The following CTNNA3 variants were observed in gnomAD, a reference collection of about 807,000 sequenced individuals.
The protein encoded by CTNNA3 is catenin alpha 3.
CTNNA3 carries 76 observed loss-of-function variants against 95.7 expected under a neutral mutation model. That is an observed-to-expected ratio of 0.79 (90% CI 0.66 to 0.96). CTNNA3 has a LOEUF of 0.96. Ranked by LOEUF, CTNNA3 falls within the 40% of genes least tolerant of loss-of-function variation. The pLI, the probability that CTNNA3 is intolerant of heterozygous loss-of-function variation, is 0.00. For missense variants in CTNNA3, 1,191 were observed against 1,089.8 expected, an observed-to-expected ratio of 1.09 and a Z score of -1.31; for synonymous variants, 431 against 374.4, an observed-to-expected ratio of 1.15 and a Z score of -1.74.
intron 9 of CTNNA3, among the ~76,000 whole-genome samples, chr10:66,655,976 A>G (rs1055096854): frequency 6.6e-6 from 1 of 152,068 alleles, no homozygotes; most frequent in African/African-American, 2.4e-5. Flanking sequence ...GGAATAACAG[A>G]AGAAGTAGTA....
chr10:66,793,074 A>G (rs1361579075), intron 7 of CTNNA3, among the ~76,000 whole-genome samples: 2 of 152,150 alleles, frequency 1.3e-5, no homozygotes, highest in African/African-American at 2.4e-5. Context: ...TTTGTAATCT[A>G]TTTGTGTTGG....
intron 1 of CTNNA3, among the ~76,000 whole-genome samples, chr10:67,747,162 C>T (rs964077285): frequency 5.3e-5 from 8 of 152,304 alleles, no homozygotes; most frequent in Middle Eastern, 3.4e-3. Context: ...GGTGGGGTGG[C>T]CATGGTCTCC....
Position 66,388,331 on chromosome 10 carries a change from AT to A in CTNNA3, c.1532-8980del, listed in dbSNP as rs1219576600. 1.6e-4 allele frequency among the ~76,000 whole-genome samples: 24 copies of A among 152,256 alleles called. No homozygotes were observed. The East Asian group carries it at 4.1e-3, about 26-fold the overall frequency. On this transcript the variant is annotated intron_variant, in intron 11 of 17. Coordinates refer to ENST00000433211, the MANE Select transcript of CTNNA3 (RefSeq NM_013266.4). ...TAATACACTATGTAATTTCTCTTTA[AT>A]TAAAGATGAAATGATAGCTTGTACA...
At chr10:66,806,285 GTGTGTGTA>G (rs902071807) in intron 7 of CTNNA3, among the ~76,000 whole-genome samples, 8 of 148,204 alleles carry the variant, frequency 5.4e-5, no homozygotes, top group South Asian at 2.2e-4. Flanking sequence ...GTGTGTGTGT[GTGTGTGTA>G]TATATACTCA....
At chr10:66,750,399 G>T (rs1839084564) in intron 9 of CTNNA3, among the ~76,000 whole-genome samples, 1 of 152,130 alleles carries the variant, frequency 6.6e-6, no homozygotes, top group Admixed American at 6.5e-5. Context: ...TGAGCAGGGT[G>T]CTGGGGATGT....
intron 7 of CTNNA3, among the ~76,000 whole-genome samples, chr10:66,845,715 A>AAACAAAAAAAAC (rs1418092395): frequency 9.6e-4 from 66 of 68,744 alleles, no homozygotes; most frequent in African/African-American, 2.8e-3. Flanking sequence ...AAAAAAAAAA[A>AAACAAAAAAAAC]AAAAAAAAAA....
At chr10:66,955,012 T>C (rs1404120929) in intron 7 of CTNNA3, among the ~76,000 whole-genome samples, 1 of 152,182 alleles carries the variant, frequency 6.6e-6, no homozygotes, top group African/African-American at 2.4e-5. Context: ...TGGAAAACAT[T>C]GGAGCACATT....
chr10:66,355,772 A>T (rs2132405846), intron 12 of CTNNA3, among the ~76,000 whole-genome samples: 1 of 152,118 alleles, frequency 6.6e-6, no homozygotes, highest in African/African-American at 2.4e-5. Flanking sequence ...GTTGTATCTA[A>T]CAATGCCAAA....
chr10:66,034,412 C>T (rs1441715788), intron 15 of CTNNA3, among the ~76,000 whole-genome samples: 1 of 152,086 alleles, frequency 6.6e-6, no homozygotes, highest in Non-Finnish European at 1.5e-5. Context: ...GAAAAATTTG[C>T]TGTTGAATTT....
intron 10 of CTNNA3, among the ~76,000 whole-genome samples, chr10:66,548,412 T>C (rs539942326): frequency 6.6e-6 from 1 of 152,150 alleles, no homozygotes; most frequent in Non-Finnish European, 1.5e-5. Flanking sequence ...TATTTCCAAT[T>C]CTTCCTCTTT....
At chr10:66,685,972 T>C (rs1183284389) in intron 9 of CTNNA3, among the ~76,000 whole-genome samples, 2 of 152,162 alleles carry the variant, frequency 1.3e-5, no homozygotes, top group Non-Finnish European at 2.9e-5. Flanking sequence ...TTATAAGACT[T>C]TGAGTTTAAA....
intron 7 of CTNNA3, among the ~76,000 whole-genome samples, chr10:67,167,193 T>C (rs535337060): frequency 6.6e-6 from 1 of 152,182 alleles, no homozygotes; most frequent in African/African-American, 2.4e-5. Flanking sequence ...ATTTGACACA[T>C]CAGGTCTCTG....
chr10:66,785,040 T>C (rs913787508), intron 7 of CTNNA3, among the ~76,000 whole-genome samples: 3 of 152,196 alleles, frequency 2.0e-5, no homozygotes, highest in Non-Finnish European at 2.9e-5. Flanking sequence ...GGTCCAGATA[T>C]GGGCCTTATG....
intron 13 of CTNNA3, among the ~76,000 whole-genome samples, chr10:66,187,521 A>T (rs2086408323): frequency 6.6e-6 from 1 of 151,400 alleles, no homozygotes; most frequent in Non-Finnish European, 1.5e-5. Context: ...TGCAAGCAGG[A>T]AGTGAGGCCT....
At chr10:66,102,605 T>A (rs1444109107) in intron 14 of CTNNA3, among the ~76,000 whole-genome samples, 1 of 152,156 alleles carries the variant, frequency 6.6e-6, no homozygotes, top group East Asian at 1.9e-4. Context: ...CTTTCACAGA[T>A]ACCCAGGCAC....
chr10:67,711,771 C>T (rs1385551813), intron 1 of CTNNA3, among the ~76,000 whole-genome samples: 1 of 132,430 alleles, frequency 7.6e-6, no homozygotes, highest in East Asian at 2.3e-4. Context: ...GTGTGATGTT[C>T]CCCTTCCTGT....
At chr10:67,105,254 T>C (rs1858569528) in intron 7 of CTNNA3, among the ~76,000 whole-genome samples, 1 of 152,016 alleles carries the variant, frequency 6.6e-6, no homozygotes, top group South Asian at 2.1e-4. Flanking sequence ...GATAGATAGA[T>C]AGATAGAATT....
chr10:67,125,964 T>C (rs1859704356), intron 7 of CTNNA3, among the ~76,000 whole-genome samples: 1 of 152,222 alleles, frequency 6.6e-6, no homozygotes, highest in Non-Finnish European at 1.5e-5. Flanking sequence ...GAGTACTTTA[T>C]GCTTGGTTTT....
chr10:67,647,036 G>C (rs959104176), intron 2 of CTNNA3, among the ~76,000 whole-genome samples: 1 of 151,494 alleles, frequency 6.6e-6, no homozygotes, highest in Non-Finnish European at 1.5e-5. Context: ...AAATTCTCTA[G>C]GCCTCAGTTT....
Sources: gnomAD v4.1 joint callset for allele counts (sites outside exome capture counted in the v4.1 genomes callset) on GRCh38, gnomAD v4.1.1 for gene constraint, MANE v1.5 for transcripts, NCBI Gene and HGNC (gene_info 2026-07-23, HGNC 2026-07-21) for gene names.